CTNNA2: variants seen among roughly 807,000 people sequenced by gnomAD.
The protein encoded by CTNNA2 is catenin alpha 2, also known as catenin alpha-2.
Under a neutral mutation model 101.0 loss-of-function variants are expected in CTNNA2, and 42 were observed. The ratio of observed to expected loss-of-function variants is 0.42; its 90% confidence interval spans 0.32 to 0.54. The LOEUF (loss-of-function observed/expected upper bound fraction) is 0.54. CTNNA2 is among the 20% of genes least tolerant of loss of function. The pLI is 0.14. For missense variants in CTNNA2, 871 were observed against 1,223.1 expected, an observed-to-expected ratio of 0.71 and a Z score of 4.29; for synonymous variants, 450 against 456.4, an observed-to-expected ratio of 0.99 and a Z score of 0.18.
At chr2:80,269,832 A>T (rs940562795) in intron 7 of CTNNA2, among the ~76,000 whole-genome samples, 1 of 152,192 alleles carries the variant, frequency 6.6e-6, no homozygotes, top group African/African-American at 2.4e-5. Flanking sequence ...TTAAAACTAA[A>T]TAACTGTGTT....
intron 7 of CTNNA2, among the ~76,000 whole-genome samples, chr2:80,315,841 C>T (rs555251705): frequency 1.7e-3 from 260 of 152,240 alleles, no homozygotes; most frequent in Non-Finnish European, 2.8e-3. Flanking sequence ...ATTTTTATTT[C>T]TCAAGCCATG....
At chr2:79,682,737 T>C (rs1476517021) in intron 2 of CTNNA2, among the ~76,000 whole-genome samples, 2 of 152,206 alleles carry the variant, frequency 1.3e-5, no homozygotes, top group Non-Finnish European at 2.9e-5. Flanking sequence ...TTGGTATTTT[T>C]TATTTTTAGT....
chr2:79,427,721 C>T (rs1408453102), intron 4 of CTNNA2, among the ~76,000 whole-genome samples: 3 of 151,918 alleles, frequency 2.0e-5, no homozygotes, highest in Non-Finnish European at 4.4e-5. Flanking sequence ...TCTTACACTC[C>T]TGGTTGTCAT....
intron 7 of CTNNA2, among the ~76,000 whole-genome samples, chr2:80,064,894 A>G (rs1697865815): frequency 6.6e-6 from 1 of 152,234 alleles, no homozygotes; most frequent in Admixed American, 6.5e-5. Flanking sequence ...TAGCAGGATT[A>G]CAGGGCCATC....
intron 9 of CTNNA2, among the ~76,000 whole-genome samples, chr2:80,540,452 C>T (rs1229824894): frequency 6.6e-6 from 1 of 151,944 alleles, no homozygotes; most frequent in Admixed American, 6.6e-5. Flanking sequence ...CAAAAATTAG[C>T]CAGGCGTAGT....
chr2:79,300,761 C>G (rs917747644), intron 2 of CTNNA2, among the ~76,000 whole-genome samples: 2 of 152,158 alleles, frequency 1.3e-5, no homozygotes, highest in African/African-American at 4.8e-5. Flanking sequence ...TTTGGTCTTT[C>G]TGATTTCAGC....
intron 7 of CTNNA2, among the ~76,000 whole-genome samples, chr2:79,976,201 G>C (rs566168331): frequency 5.3e-5 from 8 of 152,186 alleles, no homozygotes. Context: ...CTAATCTGTG[G>C]GCATGTGTCT....
chr2:79,718,227 G>A (rs758090770), intron 2 of CTNNA2, among the ~76,000 whole-genome samples: 4 of 152,104 alleles, frequency 2.6e-5, no homozygotes, highest in South Asian at 2.1e-4. Flanking sequence ...TAACAAGTAC[G>A]TTTATGAGAT....
At chr2:80,536,204 G>T (rs1252299072) in intron 9 of CTNNA2, among the ~76,000 whole-genome samples, 2 of 152,220 alleles carry the variant, frequency 1.3e-5, no homozygotes, top group East Asian at 3.9e-4. Context: ...ACAGATAAAT[G>T]AATAAACCTT....
In CTNNA2 at chr2:79,835,666, G is replaced by GTTTTTTGTTTTTTTTTTTTTT. The variant is rs1679276639; in HGVS notation, c.299-22341_299-22340insGTTTTTTTTTTTTTTTTTTTT. Reference sequence around the variant, plus strand: ...CTGTGCTGCAGAATGGCCTCTCTTTGTTTTTTTTTTTTTTTTTTTTTTTTT... The same window carrying GTTTTTTGTTTTTTTTTTTTTT: ...CTGTGCTGCAGAATGGCCTCTCTTTGTTTTTTGTTTTTTTTTTTTTTTTTTTTTTTTTTTTTTTTTTTTTTT... On this transcript the variant is annotated intron_variant, in intron 3 of 18. Transcript: ENST00000402739. Among the ~76,000 whole-genome samples the GTTTTTTGTTTTTTTTTTTTTT allele has an allele frequency of 3.4e-4, 20 of 58,636 alleles. 1 individual carries two copies. Among genetic ancestry groups the GTTTTTTGTTTTTTTTTTTTTT allele is most frequent in the African/African-American group, 1.5e-3 (20 of 13,698 alleles). The allele number at this position is 58,636 out of a possible 152,430, so 38.5% of individuals were successfully genotyped here. A position where few individuals can be genotyped will look rare whatever the true frequency, so the allele number is the denominator to read the frequency against.
chr2:80,423,064 A>T (rs1054116241), intron 9 of CTNNA2, among the ~76,000 whole-genome samples: 1 of 151,856 alleles, frequency 6.6e-6, no homozygotes, highest in Non-Finnish European at 1.5e-5. Flanking sequence ...CCCACTCCTC[A>T]TTTAGCTAAT....
At chr2:80,514,465 T>G (rs563818698) in intron 9 of CTNNA2, among the ~76,000 whole-genome samples, 1 of 152,262 alleles carries the variant, frequency 6.6e-6, no homozygotes, top group South Asian at 2.1e-4. Context: ...AAACGGCCAG[T>G]GTGACAGCCT....
intron 9 of CTNNA2, among the ~76,000 whole-genome samples, chr2:80,463,038 G>A (rs867326688): frequency 1.7e-4 from 26 of 151,992 alleles, no homozygotes; most frequent in Middle Eastern, 3.4e-3. Context: ...AGCCTTTCTC[G>A]TCTTTTACCT....
chr2:79,429,806 G>A (rs1678631425), intron 4 of CTNNA2, among the ~76,000 whole-genome samples: 1 of 152,004 alleles, frequency 6.6e-6, no homozygotes, highest in African/African-American at 2.4e-5. Flanking sequence ...AATAAAACTG[G>A]GCCAGTAAGA....
chr2:80,203,299 T>C (rs977464666), intron 7 of CTNNA2, among the ~76,000 whole-genome samples: 12 of 152,144 alleles, frequency 7.9e-5, no homozygotes, highest in Admixed American at 3.3e-4. Flanking sequence ...AATTCAAAAG[T>C]CCACATTCCA....
At chr2:80,360,363 G>T (rs1015579862) in intron 7 of CTNNA2, among the ~76,000 whole-genome samples, 6 of 152,020 alleles carry the variant, frequency 3.9e-5, no homozygotes, top group African/African-American at 1.2e-4. Context: ...AGCTATTAGG[G>T]TACTTGGATT....
chr2:79,606,553 C>G, intron 1 of CTNNA2, among the ~76,000 whole-genome samples: 1 of 152,152 alleles, frequency 6.6e-6, no homozygotes, highest in Admixed American at 6.5e-5. Context: ...CAGGCGTGAG[C>G]CACCACGCCT....
chr2:79,195,900 A>C, intron 1 of CTNNA2: 1 of 489,262 alleles, frequency 2.0e-6, no homozygotes, highest in South Asian at 1.5e-5. Flanking sequence ...GCAGAGGTGC[A>C]GAGGTAGGGT....
At chr2:79,555,197 CTT>C (rs1468760887) in intron 1 of CTNNA2, among the ~76,000 whole-genome samples, 2 of 152,154 alleles carry the variant, frequency 1.3e-5, no homozygotes, top group East Asian at 1.9e-4. Flanking sequence ...TGTTCTATCA[CTT>C]TTCTCTTTCT....
Sources: gnomAD v4.1 joint callset for allele counts (sites outside exome capture counted in the v4.1 genomes callset) on GRCh38, gnomAD v4.1.1 for gene constraint, MANE v1.5 for transcripts, NCBI Gene and HGNC (gene_info 2026-07-23, HGNC 2026-07-21) for gene names.